The following SFMBT2 variants were observed in gnomAD, a reference collection of about 807,000 sequenced individuals.
SFMBT2 encodes scm-like with four MBT domains protein 2.
SFMBT2 carries 38 observed loss-of-function variants against 110.1 expected under a neutral mutation model. That is an observed-to-expected ratio of 0.35 (90% CI 0.27 to 0.45). SFMBT2 has a LOEUF of 0.45. Among genes scored for constraint, SFMBT2 ranks in the 20% least tolerant of loss-of-function variants. The probability of loss-of-function intolerance (pLI) is 1.00; values close to 1 mark genes in which losing one functional copy is unlikely to be tolerated. For synonymous variants in SFMBT2, 425 were observed against 425.4 expected (o/e 1.00, Z 0.01); for missense variants, 1,011 against 1,094.9 (o/e 0.92, Z 1.08).
intron 16 of SFMBT2, among the ~76,000 whole-genome samples, chr10:7,178,740 G>A (rs1838151637): frequency 6.6e-6 from 1 of 152,166 alleles, no homozygotes; most frequent in Non-Finnish European, 1.5e-5. Flanking sequence ...AAGCAGATTC[G>A]ATGGGTTCTT....
At chr10:7,376,923 G>A (rs1244662819) in intron 2 of SFMBT2, among the ~76,000 whole-genome samples, 1 of 148,662 alleles carries the variant, frequency 6.7e-6, no homozygotes, top group Non-Finnish European at 1.5e-5. Flanking sequence ...TGTAATCCCA[G>A]CACTTGGGAG....
At chr10:7,203,737 G>A (rs546609227) in intron 12 of SFMBT2, 1 of 891,766 alleles carries the variant, frequency 1.1e-6, no homozygotes, top group Non-Finnish European at 1.3e-6. Flanking sequence ...GTGAGACAGA[G>A]CGGAGTATCG....
chr10:7,397,467 T>C (rs547413860), intron 1 of SFMBT2, among the ~76,000 whole-genome samples: 62 of 152,054 alleles, frequency 4.1e-4, no homozygotes, highest in African/African-American at 1.4e-3. Context: ...ATTCCAGACA[T>C]GCTGTAGCCA....
chr10:7,284,373 A>G (rs1001595073), intron 5 of SFMBT2: 1 of 1,294,948 alleles, frequency 7.7e-7, no homozygotes, highest in Admixed American at 3.7e-5. Flanking sequence ...CAACAAAAAA[A>G]TCACAAGTCA....
At chr10:7,320,740 G>T in intron 4 of SFMBT2, 1 of 369,834 alleles carries the variant, frequency 2.7e-6, no homozygotes, top group Non-Finnish European at 3.7e-6. Context: ...GAGATTCAAG[G>T]CCCAGGGTCT....
intron 14 of SFMBT2, among the ~76,000 whole-genome samples, chr10:7,198,777 A>T (rs1055217974): frequency 1.3e-5 from 2 of 152,120 alleles, no homozygotes; most frequent in African/African-American, 4.8e-5. Context: ...GTGGTGGCTC[A>T]TGCCTATAAT....
chr10:7,203,937 G>A (rs1839040236), intron 12 of SFMBT2: 1 of 161,600 alleles, frequency 6.2e-6, no homozygotes, highest in African/African-American at 2.4e-5. Flanking sequence ...GGCTGGTCTC[G>A]AGCTCATGAC....
chr10:7,168,302 T>G (rs1588758035), intron 20 of SFMBT2, among the ~76,000 whole-genome samples: 1 of 152,228 alleles, frequency 6.6e-6, no homozygotes, highest in African/African-American at 2.4e-5. Context: ...ACAGGAGCTA[T>G]TGACGTTTCA....
At chr10:7,183,211 G>C (rs974729667) in intron 16 of SFMBT2, among the ~76,000 whole-genome samples, 9 of 152,164 alleles carry the variant, frequency 5.9e-5, no homozygotes. Flanking sequence ...AGTTGTAAGG[G>C]AGAGGTCCAG....
At chr10:7,387,913 C>T (rs1845658048) in intron 1 of SFMBT2, among the ~76,000 whole-genome samples, 1 of 149,444 alleles carries the variant, frequency 6.7e-6, no homozygotes, top group Admixed American at 6.7e-5. Flanking sequence ...GCTCCCACTG[C>T]ACTCCAGCCT....
Position 7,182,866 on chromosome 10 carries a change from T to TA in SFMBT2, c.1808+5757dup, listed in dbSNP as rs796230508. Among the ~76,000 whole-genome samples the TA allele has an allele frequency of 6.2e-4, 90 of 144,822 alleles. 1 individual carries two copies. The highest frequency in any genetic ancestry group is 1.6e-3 in the African/African-American group (62 of 39,322). Reference sequence around the variant, plus strand: ...ATGTACCCTAGAACTTAAAGTATAATAAAAAAAAAAGTTAAAAAAAAAGAA... The same window carrying TA: ...ATGTACCCTAGAACTTAAAGTATAATAAAAAAAAAAAGTTAAAAAAAAAGAA... On this transcript the variant is annotated intron_variant, in intron 16 of 20. Transcript: ENST00000397167.
chr10:7,401,076 C>T (rs1343746442), intron 1 of SFMBT2, among the ~76,000 whole-genome samples: 4 of 151,928 alleles, frequency 2.6e-5, no homozygotes, highest in Admixed American at 6.6e-5. Flanking sequence ...GAGATTGCAA[C>T]GAGCCGAGAT....
At chr10:7,307,522 A>T (rs186488494) in intron 4 of SFMBT2, among the ~76,000 whole-genome samples, 1 of 152,370 alleles carries the variant, frequency 6.6e-6, no homozygotes, top group African/African-American at 2.4e-5. Flanking sequence ...GAAGTCAAAC[A>T]AATAGACAAA....
intron 4 of SFMBT2, among the ~76,000 whole-genome samples, chr10:7,326,965 A>G (rs954826415): frequency 6.6e-6 from 1 of 152,098 alleles, no homozygotes; most frequent in Non-Finnish European, 1.5e-5. Flanking sequence ...TAGGAAAGTC[A>G]CCGTAAATAA....
intron 1 of SFMBT2, among the ~76,000 whole-genome samples, chr10:7,386,727 G>A (rs1291819063): frequency 6.6e-6 from 1 of 152,216 alleles, no homozygotes; most frequent in Non-Finnish European, 1.5e-5. Flanking sequence ...TCGCTCCAAA[G>A]AGAAGAAATG....
chr10:7,362,536 C>A (rs985634678), intron 4 of SFMBT2, among the ~76,000 whole-genome samples: 6 of 152,216 alleles, frequency 3.9e-5, no homozygotes, highest in Non-Finnish European at 7.3e-5. Flanking sequence ...TTTGGACAAT[C>A]CCAAAGTGTC....
chr10:7,275,421 C>T (rs1027707825), intron 7 of SFMBT2, among the ~76,000 whole-genome samples: 2 of 152,028 alleles, frequency 1.3e-5, no homozygotes, highest in African/African-American at 4.8e-5. Context: ...ACATTAAAGG[C>T]TGTTTCTCTT....
chr10:7,221,766 A>T (rs1839749426), intron 10 of SFMBT2, among the ~76,000 whole-genome samples: 1 of 152,080 alleles, frequency 6.6e-6, no homozygotes, highest in South Asian at 2.1e-4. Context: ...ATCACTTTAA[A>T]CATTTTTACA....
intron 10 of SFMBT2, among the ~76,000 whole-genome samples, chr10:7,224,848 A>G (rs1276134925): frequency 6.6e-6 from 1 of 152,262 alleles, no homozygotes; most frequent in East Asian, 1.9e-4. Flanking sequence ...TGTAAGTAAC[A>G]GAGACTACTT....
Sources: allele counts gnomAD v4.1 joint callset (sites outside exome capture counted in the v4.1 genomes callset), GRCh38; gene constraint gnomAD v4.1.1; transcripts MANE v1.5; gene names NCBI Gene and HGNC (gene_info 2026-07-23, HGNC 2026-07-21).